The following METTL15 variants were observed in gnomAD, a reference collection of about 807,000 sequenced individuals.
The protein encoded by METTL15 is methyltransferase 15, mitochondrial 12S rRNA N4-cytidine.
A neutral mutation model predicts 38.3 loss-of-function variants in METTL15; 34 were observed. That is an observed-to-expected ratio of 0.89 (90% CI 0.68 to 1.18). The LOEUF is 1.18. METTL15 is among the 50% of genes most tolerant of loss of function. METTL15 has a pLI of 0.00. For missense variants in METTL15, 438 were observed against 498.4 expected (o/e 0.88, Z 1.15); for synonymous variants, 162 against 170.9 (o/e 0.95, Z 0.41).
intron 4 of METTL15, among the ~76,000 whole-genome samples, chr11:28,284,680 A>G (rs1856183544): frequency 6.6e-6 from 1 of 152,206 alleles, no homozygotes; most frequent in East Asian, 1.9e-4. Context: ...AATAAATTCT[A>G]AAACTAATTT....
chr11:28,353,409 G>A (rs967947272), intron 4 of METTL15, among the ~76,000 whole-genome samples: 1 of 152,194 alleles, frequency 6.6e-6, no homozygotes, highest in Non-Finnish European at 1.5e-5. Context: ...TTCGAAGGGT[G>A]TGCCACCAGA....
intron 4 of METTL15, among the ~76,000 whole-genome samples, chr11:28,354,124 TGA>T (rs571438595): frequency 3.4e-4 from 52 of 151,974 alleles, no homozygotes; most frequent in Admixed American, 3.1e-3. Flanking sequence ...AGGGAAATAA[TGA>T]GAGAGAGTAG....
intron 4 of METTL15, among the ~76,000 whole-genome samples, chr11:28,215,502 G>A (rs1852826237): frequency 6.6e-6 from 1 of 151,976 alleles, no homozygotes; most frequent in South Asian, 2.1e-4. Context: ...TTCTAAGTCT[G>A]CTTCTTAGGC....
At chr11:28,296,720 G>A (rs1427805351) in intron 5 of METTL15, 33 bp from the exon 6 acceptor site, 2 of 1,608,372 alleles carry the variant, frequency 1.2e-6, no homozygotes, top group Non-Finnish European at 1.7e-6. Context: ...GAGAACTGAT[G>A]TCAGTGAACT....
intron 5 of METTL15, among the ~76,000 whole-genome samples, chr11:28,376,127 A>T (rs531012531): frequency 6.6e-6 from 1 of 151,596 alleles, no homozygotes; most frequent in East Asian, 1.9e-4. Context: ...GTGGTGCTGA[A>T]AAAAATGTAT....
intron 4 of METTL15, among the ~76,000 whole-genome samples, chr11:28,277,176 T>A (rs1855875325): frequency 1.3e-5 from 2 of 152,138 alleles, no homozygotes; most frequent in East Asian, 3.8e-4. Flanking sequence ...GTAAGGAGAT[T>A]TCTTCAAAAA....
chr11:28,499,426 T>C (rs545399612), intron 6 of METTL15, among the ~76,000 whole-genome samples: 1 of 152,306 alleles, frequency 6.6e-6, no homozygotes, highest in African/African-American at 2.4e-5. Context: ...CCTAAATAAA[T>C]ATATTAGATA....
At chr11:28,485,347 C>G (rs1319773808) in intron 6 of METTL15, among the ~76,000 whole-genome samples, 1 of 152,198 alleles carries the variant, frequency 6.6e-6, no homozygotes, top group Non-Finnish European at 1.5e-5. Context: ...AGGCACTGTT[C>G]TAAGTCACAG....
chr11:28,391,351 A>G (rs1433433090), intron 5 of METTL15, among the ~76,000 whole-genome samples: 3 of 151,952 alleles, frequency 2.0e-5, no homozygotes, highest in Non-Finnish European at 2.9e-5. Flanking sequence ...ATTCAGTATG[A>G]TATTGGCTGT....
At chr11:28,260,110 A>G (rs1490398516) in intron 4 of METTL15, among the ~76,000 whole-genome samples, 2 of 152,154 alleles carry the variant, frequency 1.3e-5, no homozygotes. Context: ...TTGGTAATCT[A>G]TTCAACCTCA....
intron 5 of METTL15, among the ~76,000 whole-genome samples, chr11:28,386,724 C>T (rs1171708676): frequency 3.3e-5 from 5 of 151,960 alleles, no homozygotes; most frequent in Non-Finnish European, 2.9e-5. Flanking sequence ...CTAACAGACA[C>T]ATATATAACA....
chr11:28,199,245 G>C (rs1362029680), intron 3 of METTL15, among the ~76,000 whole-genome samples: 1 of 152,058 alleles, frequency 6.6e-6, no homozygotes, highest in African/African-American at 2.4e-5. Context: ...TTAGAACTTA[G>C]TGTTTTTAAG....
rs143527237 is a variant in METTL15 at position 28,156,450 on chromosome 11, C to T, written c.270+42846C>T. Among the ~76,000 whole-genome samples the T allele has an allele frequency of 3.4e-3, 516 of 152,232 alleles. 6 individuals are homozygous for T. The highest frequency in any genetic ancestry group is 0.012 in the African/African-American group (494 of 41,554). On this transcript the variant is annotated intron_variant, in intron 3 of 6. Coordinates refer to ENST00000407364, the MANE Select transcript of METTL15 (RefSeq NM_001113528.2). Reference sequence around the variant, plus strand: ...TTCAAAATGCCATAATTGTTCCTGACGGTAGATATTCAGTACAACAGAATC... The same window carrying T: ...TTCAAAATGCCATAATTGTTCCTGATGGTAGATATTCAGTACAACAGAATC...
intron 5 of METTL15, among the ~76,000 whole-genome samples, chr11:28,378,392 T>A (rs1850344243): frequency 6.6e-6 from 1 of 152,234 alleles, no homozygotes. Context: ...AAAAGCGCAG[T>A]ATTCGGGTGG....
chr11:28,432,400 G>A (rs1395917437), intron 6 of METTL15, among the ~76,000 whole-genome samples: 1 of 152,114 alleles, frequency 6.6e-6, no homozygotes, highest in Non-Finnish European at 1.5e-5. Context: ...ACACATGATT[G>A]GAAATGGCCA....
At chr11:28,242,069 C>A (rs1295235002) in intron 4 of METTL15, among the ~76,000 whole-genome samples, 1 of 152,010 alleles carries the variant, frequency 6.6e-6, no homozygotes, top group African/African-American at 2.4e-5. Flanking sequence ...AAACAGGGAT[C>A]CATTAAAATA....
intron 6 of METTL15, among the ~76,000 whole-genome samples, chr11:28,321,926 G>A (rs781035179): frequency 1.3e-5 from 2 of 151,892 alleles, no homozygotes; most frequent in Non-Finnish European, 2.9e-5. Context: ...TGTAGTATAT[G>A]ATCAAGAGGG....
rs1024386019 is a variant in METTL15, at chr11:28,364,039, C to T, written c.*358+2003C>T. Among the ~76,000 whole-genome samples, 20 of 152,000 alleles carry T rather than the reference C, an allele frequency of 1.3e-4. 1 individual carries two copies. Among genetic ancestry groups the T allele is most frequent in the African/African-American group, 3.4e-4 (14 of 41,382 alleles). On this transcript the variant is annotated intron_variant and NMD_transcript_variant, in intron 5 of 7. Transcript: ENST00000532947. ...TTCTCTATTCTGTTTCGCTGGTCTG[C>T]GTGCCTGTTTTTGTATTAATACCAT...
intron 5 of METTL15, among the ~76,000 whole-genome samples, chr11:28,386,499 G>C (rs1474492116): frequency 1.3e-5 from 2 of 151,812 alleles, no homozygotes; most frequent in East Asian, 1.9e-4. Flanking sequence ...ATTATATAAT[G>C]ATATAAAAAT....
Sources: allele counts gnomAD v4.1 joint callset (sites outside exome capture counted in the v4.1 genomes callset), GRCh38; gene constraint gnomAD v4.1.1; transcripts MANE v1.5; gene names NCBI Gene and HGNC (gene_info 2026-07-23, HGNC 2026-07-21).